The following PITPNC1 variants were observed in gnomAD, a reference collection of about 807,000 sequenced individuals.
PITPNC1 encodes phosphatidylinositol transfer protein cytoplasmic 1.
Under a neutral mutation model 44.7 loss-of-function variants are expected in PITPNC1, and 18 were observed. The observed-to-expected ratio is 0.40, with a 90% CI of 0.28 to 0.60. PITPNC1 has a LOEUF of 0.60. Ranked by LOEUF, PITPNC1 falls within the 20% of genes least tolerant of loss-of-function variation. The pLI, the probability that PITPNC1 is intolerant of heterozygous loss-of-function variation, is 0.39. For synonymous variants in PITPNC1, 141 were observed against 149.6 expected, an observed-to-expected ratio of 0.94 and a Z score of 0.42; for missense variants, 290 against 418.4, an observed-to-expected ratio of 0.69 and a Z score of 2.68.
chr17:67,427,336 G>T (rs188905092), intron 1 of PITPNC1, among the ~76,000 whole-genome samples: 7 of 151,978 alleles, frequency 4.6e-5, no homozygotes, highest in Non-Finnish European at 7.4e-5. Flanking sequence ...TCAGCCTCCC[G>T]AGTAGCTGGG....
intron 5 of PITPNC1, chr17:67,612,619 A>G (rs1022497644): frequency 6.6e-6 from 1 of 152,180 alleles, no homozygotes; most frequent in Non-Finnish European, 1.5e-5. Context: ...AAAGCTTCCT[A>G]GCATATTGGG....
intron 1 of PITPNC1, among the ~76,000 whole-genome samples, chr17:67,514,466 G>T (rs2040232509): frequency 6.6e-6 from 1 of 151,470 alleles, no homozygotes; most frequent in Admixed American, 6.6e-5. Flanking sequence ...CTCCCAAAGT[G>T]CTGTTACAGG....
At chr17:67,496,113 G>A (rs918401038) in intron 1 of PITPNC1, among the ~76,000 whole-genome samples, 2 of 152,118 alleles carry the variant, frequency 1.3e-5, no homozygotes, top group African/African-American at 2.4e-5. Flanking sequence ...TATAGAGAGT[G>A]CTTTTGGAAT....
chr17:67,687,503 T>C (rs931153865), intron 8 of PITPNC1, among the ~76,000 whole-genome samples: 1 of 152,224 alleles, frequency 6.6e-6, no homozygotes, highest in Non-Finnish European at 1.5e-5. Flanking sequence ...ATCGATGTCA[T>C]ATGTAAACTA....
intron 8 of PITPNC1, among the ~76,000 whole-genome samples, chr17:67,677,847 G>C (rs917455919): frequency 6.6e-6 from 1 of 151,854 alleles, no homozygotes; most frequent in African/African-American, 2.4e-5. Context: ...TGGGATTACA[G>C]GCATGAGCCA....
intron 1 of PITPNC1, among the ~76,000 whole-genome samples, chr17:67,499,787 A>G (rs2040003048): frequency 6.6e-6 from 1 of 152,256 alleles, no homozygotes; most frequent in Admixed American, 6.5e-5. Context: ...TCAGGTTTGT[A>G]GTGTAGAAGC....
intron 1 of PITPNC1, among the ~76,000 whole-genome samples, chr17:67,483,738 A>T (rs1469021740): frequency 6.6e-6 from 1 of 152,190 alleles, no homozygotes; most frequent in Non-Finnish European, 1.5e-5. Flanking sequence ...GGTAGCCTTC[A>T]AGCCCTGGGG....
chr17:67,612,511 C>T (rs2041700177), intron 5 of PITPNC1: 1 of 152,256 alleles, frequency 6.6e-6, no homozygotes, highest in South Asian at 2.1e-4. Context: ...TAAAGTCGTA[C>T]AACTCCTAAG....
chr17:67,474,887 C>G (rs9890408), intron 1 of PITPNC1, among the ~76,000 whole-genome samples: 1,777 of 152,090 alleles, frequency 0.012, 10 homozygotes, highest in Admixed American at 0.018. Context: ...CTCTTGGGCT[C>G]AAGCAGTCCT....
chr17:67,557,045 A>T (rs1413952486), intron 4 of PITPNC1, among the ~76,000 whole-genome samples: 1 of 152,182 alleles, frequency 6.6e-6, no homozygotes, highest in Admixed American at 6.5e-5. Context: ...GTGTTAGCTC[A>T]TGTTGCTCTA....
intron 1 of PITPNC1, among the ~76,000 whole-genome samples, chr17:67,500,676 T>A (rs80344240): frequency 4.6e-5 from 6 of 130,566 alleles, no homozygotes; most frequent in African/African-American, 8.5e-5. Flanking sequence ...TTTTTTTTTT[T>A]AATTGAGAGA....
At chr17:67,466,793 AGAT>A (rs1288250673) in intron 1 of PITPNC1, among the ~76,000 whole-genome samples, 1 of 152,064 alleles carries the variant, frequency 6.6e-6, no homozygotes, top group Non-Finnish European at 1.5e-5. Flanking sequence ...TTGGGCTGGG[AGAT>A]GATGATTGCC....
In PITPNC1 at chr17:67,385,286, C is replaced by T. The variant is rs569424009; in HGVS notation, c.48+7084C>T. Among the ~76,000 whole-genome samples the T allele has an allele frequency of 2.0e-3, 303 of 152,158 alleles. 6 individuals are homozygous for T. Among genetic ancestry groups the T allele is most frequent in the Non-Finnish European group, 1.1e-3 (77 of 68,014 alleles). On this transcript the variant is annotated intron_variant, in intron 1 of 8. Coordinates refer to ENST00000581322, the MANE Select transcript of PITPNC1 (RefSeq NM_012417.4). ...TGGCTAGCTAGCGGTTTCTAAAATGCGCTAATCAGCACTCTGCAAAAACGC... is the reference window on the plus strand; with the variant it reads ...TGGCTAGCTAGCGGTTTCTAAAATGTGCTAATCAGCACTCTGCAAAAACGC...
At chr17:67,385,670 C>A (rs1382528719) in intron 1 of PITPNC1, among the ~76,000 whole-genome samples, 1 of 152,144 alleles carries the variant, frequency 6.6e-6, no homozygotes, top group Admixed American at 6.5e-5. Flanking sequence ...AAGAACCCAC[C>A]GGAAGGAACC....
chr17:67,425,453 C>T (rs985189856), intron 1 of PITPNC1, among the ~76,000 whole-genome samples: 1 of 150,834 alleles, frequency 6.6e-6, no homozygotes, highest in African/African-American at 2.4e-5. Flanking sequence ...CTTTCTCTCA[C>T]TCTTTCTCTC....
At chr17:67,466,225 G>T (rs1401133057) in intron 1 of PITPNC1, among the ~76,000 whole-genome samples, 1 of 150,878 alleles carries the variant, frequency 6.6e-6, no homozygotes, top group African/African-American at 2.5e-5. Flanking sequence ...CGCGTCTCAC[G>T]ATGTTGTCCA....
At chr17:67,590,576 T>G (rs1213989223) in intron 5 of PITPNC1, among the ~76,000 whole-genome samples, 1 of 152,154 alleles carries the variant, frequency 6.6e-6, no homozygotes, top group African/African-American at 2.4e-5. Context: ...AAAACTAGTA[T>G]GTGAAAAGTT....
intron 1 of PITPNC1, among the ~76,000 whole-genome samples, chr17:67,383,060 A>G (rs1598598290): frequency 2.6e-5 from 4 of 151,858 alleles, no homozygotes; most frequent in South Asian, 2.1e-4. Flanking sequence ...CAGTGGCGCA[A>G]TCTTGGCTCA....
At chr17:67,612,770 G>A (rs894470452) in intron 5 of PITPNC1, 4 of 152,352 alleles carry the variant, frequency 2.6e-5, no homozygotes, top group African/African-American at 9.7e-5. Context: ...GAGAAAAAGA[G>A]TTAAGAGTCC....
Sources: gnomAD v4.1 joint callset for allele counts (sites outside exome capture counted in the v4.1 genomes callset) on GRCh38, gnomAD v4.1.1 for gene constraint, MANE v1.5 for transcripts, NCBI Gene and HGNC (gene_info 2026-07-23, HGNC 2026-07-21) for gene names.